Variants in HIVEP1 observed in about 807,000 individuals in gnomAD.
The protein encoded by HIVEP1 is HIVEP zinc finger 1.
A neutral mutation model predicts 180.0 loss-of-function variants in HIVEP1; 36 were observed. The ratio of observed to expected loss-of-function variants is 0.20; its 90% confidence interval spans 0.15 to 0.26. HIVEP1 has a LOEUF of 0.26. Among genes scored for constraint, HIVEP1 ranks in the 10% least tolerant of loss-of-function variants. The pLI is 1.00. For missense variants in HIVEP1, 3,143 were observed against 3,268.7 expected, an observed-to-expected ratio of 0.96 and a Z score of 0.94; for synonymous variants, 1,239 against 1,239.0, an observed-to-expected ratio of 1.00 and a Z score of 0.00.
intron 5 of HIVEP1, among the ~76,000 whole-genome samples, chr6:12,130,462 C>T (rs561498097): frequency 2.6e-5 from 4 of 152,046 alleles, no homozygotes; most frequent in East Asian, 3.9e-4. Context: ...CATGTGAGCC[C>T]GGGAGGTTGA....
the HIVEP1 span, among the ~76,000 whole-genome samples, chr6:12,193,973 C>T: frequency 1.3e-5 from 2 of 152,098 alleles, no homozygotes; most frequent in Non-Finnish European, 2.9e-5. Flanking sequence ...GCATGAATAG[C>T]TTTTGCATGA....
In HIVEP1 at chr6:12,163,190, T is replaced by C. The variant is rs577881584; in HGVS notation, c.6979-93T>C. ...ATCAATGCAAATATACTTACTTTTA[T>C]CTCATTGTGAAGAAATAGATTTAGC... On this transcript the variant is annotated intron_variant, in intron 8 of 8. Coordinates refer to ENST00000379388, the MANE Select transcript of HIVEP1 (RefSeq NM_002114.4). 742 of 924,088 alleles carry C rather than the reference T, an allele frequency of 8.0e-4. 8 individuals are homozygous for C. In the South Asian group the frequency reaches 9.7e-3, roughly 12 times the overall value. The allele number at this position is 924,088 out of a possible 1,614,324, so 57.2% of individuals were successfully genotyped here. A position where few individuals can be genotyped will look rare whatever the true frequency, so the allele number is the denominator to read the frequency against.
At chr6:12,154,119 G>A (rs766197147) in intron 7 of HIVEP1, among the ~76,000 whole-genome samples, 5 of 152,212 alleles carry the variant, frequency 3.3e-5, no homozygotes, top group Non-Finnish European at 7.3e-5. Context: ...ATATACAAGT[G>A]AAGATATGAA....
chr6:12,092,576 C>T (rs1229392070), intron 3 of HIVEP1, among the ~76,000 whole-genome samples: 1 of 152,134 alleles, frequency 6.6e-6, no homozygotes. Context: ...TTCAGCTCTA[C>T]AAAATGATGC....
rs1334703410 is a variant in HIVEP1 at position 12,012,506 on chromosome 6, AGCAGCGCAGCTCCAGGGCCGGCTGCAGCG to A, written c.-157_-129del. On this transcript the variant is annotated 5_prime_UTR_variant, in exon 1 of 9. Transcript: ENST00000379388. The stretch of plus-strand genomic sequence containing the variant: ...ATCCCGAGCCGCGGCCGCCGCCATC[AGCAGCGCAGCTCCAGGGCCGGCTGCAGCG>A]GCAGCGGCTCCGCCGGGCGTCCTGG... 1.3e-5 allele frequency: 2 copies of A among 150,146 alleles called. No homozygotes were observed. The highest frequency in any genetic ancestry group is 3.0e-5 in the Non-Finnish European group (2 of 67,420). 9.3% of individuals were successfully genotyped at this position (150,146 alleles called of 1,614,324 possible).
chr6:12,064,290 ACT>A (rs1771422044), intron 2 of HIVEP1, among the ~76,000 whole-genome samples: 1 of 151,826 alleles, frequency 6.6e-6, no homozygotes, highest in Non-Finnish European at 1.5e-5. Flanking sequence ...AGTATTCCAG[ACT>A]CTTTCTGTGT....
chr6:12,157,568 C>T (rs1277685048), intron 7 of HIVEP1, among the ~76,000 whole-genome samples: 1 of 152,140 alleles, frequency 6.6e-6, no homozygotes, highest in East Asian at 1.9e-4. Flanking sequence ...TCCTTCTTTC[C>T]GTGCTTTATG....
intron 2 of HIVEP1, among the ~76,000 whole-genome samples, chr6:12,075,185 A>G (rs1772269131): frequency 6.6e-6 from 1 of 152,158 alleles, no homozygotes; most frequent in Non-Finnish European, 1.5e-5. Flanking sequence ...TACCATGTAC[A>G]TTGCTCTGCT....
intron 7 of HIVEP1, among the ~76,000 whole-genome samples, chr6:12,142,293 G>A (rs927465705): frequency 3.3e-5 from 5 of 152,138 alleles, no homozygotes; most frequent in African/African-American, 1.2e-4. Flanking sequence ...TGATGGGTAA[G>A]TAATGAAATG....
chr6:12,205,147 C>T, the HIVEP1 span, among the ~76,000 whole-genome samples: 1 of 152,120 alleles, frequency 6.6e-6, no homozygotes, highest in Non-Finnish European at 1.5e-5. Flanking sequence ...CTGGCTCTCC[C>T]TCTGAGTCAA....
intron 7 of HIVEP1, among the ~76,000 whole-genome samples, chr6:12,152,074 T>C (rs1759738145): frequency 6.6e-6 from 1 of 152,116 alleles, no homozygotes; most frequent in South Asian, 2.1e-4. Context: ...GAGAATCGCT[T>C]GAACCTGGGA....
At chr6:12,188,070 A>G in the HIVEP1 span, among the ~76,000 whole-genome samples, 2 of 152,220 alleles carry the variant, frequency 1.3e-5, no homozygotes, top group African/African-American at 4.8e-5. Flanking sequence ...ATCCTTTAAA[A>G]ATAAAGTCTG....
At chr6:12,110,736 T>G (rs1318967981) in intron 3 of HIVEP1, among the ~76,000 whole-genome samples, 4 of 152,246 alleles carry the variant, frequency 2.6e-5, no homozygotes. Context: ...TTCAGGTGTT[T>G]CCTGGAGTAG....
At chr6:12,044,042 A>G (rs1769953062) in intron 2 of HIVEP1, among the ~76,000 whole-genome samples, 1 of 152,084 alleles carries the variant, frequency 6.6e-6, no homozygotes, top group Admixed American at 6.6e-5. Context: ...TTAAATATAC[A>G]TTGGGAATGT....
At chr6:12,009,456 C>T (rs1263703391), upstream of HIVEP1, among the ~76,000 whole-genome samples, 1 of 152,218 alleles carries the variant, frequency 6.6e-6, no homozygotes, top group Non-Finnish European at 1.5e-5. Flanking sequence ...AGAAATGGAC[C>T]TCCAGGAGCC....
At chr6:12,051,026 A>ATATATG in intron 2 of HIVEP1, among the ~76,000 whole-genome samples, 1 of 141,222 alleles carries the variant, frequency 7.1e-6, no homozygotes, top group Non-Finnish European at 1.5e-5. Context: ...ATATATATAT[A>ATATATG]TATATGTATA....
chr6:12,017,410 C>T (rs1767867110), intron 2 of HIVEP1, among the ~76,000 whole-genome samples: 2 of 152,230 alleles, frequency 1.3e-5, no homozygotes, highest in South Asian at 2.1e-4. Flanking sequence ...TGAAGCTGCA[C>T]ACCTTTGCGG....
At chr6:12,184,547 T>C in the HIVEP1 span, among the ~76,000 whole-genome samples, 1 of 152,250 alleles carries the variant, frequency 6.6e-6, no homozygotes, top group African/African-American at 2.4e-5. Flanking sequence ...TGTTTGCATT[T>C]TAATTTCATT....
At chr6:12,049,049 AAG>A (rs1561887811) in intron 2 of HIVEP1, among the ~76,000 whole-genome samples, 1 of 152,174 alleles carries the variant, frequency 6.6e-6, no homozygotes, top group Non-Finnish European at 1.5e-5. Context: ...AGGAAAATAA[AAG>A]AGGTGAGAAT....
Sources: allele counts gnomAD v4.1 joint callset (sites outside exome capture counted in the v4.1 genomes callset), GRCh38; gene constraint gnomAD v4.1.1; transcripts MANE v1.5; gene names NCBI Gene and HGNC (gene_info 2026-07-23, HGNC 2026-07-21).